PTPRD: variants seen among roughly 807,000 people sequenced by gnomAD.
The protein encoded by PTPRD is receptor-type tyrosine-protein phosphatase delta.
PTPRD carries 34 observed loss-of-function variants against 214.5 expected under a neutral mutation model. The ratio of observed to expected loss-of-function variants is 0.16; its 90% CI spans 0.12 to 0.21. PTPRD has a LOEUF of 0.21. Among genes scored for constraint, PTPRD ranks in the 10% least tolerant of loss-of-function variants. The pLI is 1.00. For missense variants in PTPRD, 2,545 were observed against 2,398.7 expected (o/e 1.06, Z -1.27); for synonymous variants, 1,128 against 845.7 (o/e 1.33, Z -5.79).
At chr9:9,501,399 A>G (rs904686638) in intron 8 of PTPRD, among the ~76,000 whole-genome samples, 2 of 151,976 alleles carry the variant, frequency 1.3e-5, no homozygotes, top group Admixed American at 1.3e-4. Flanking sequence ...ATTAATTATA[A>G]ACAGTTCAAT....
chr9:8,748,535 A>AAAAG lies in PTPRD; in HGVS notation c.-103-14590_-103-14589insCTTT, dbSNP rs1555264124. 6.5e-5 allele frequency among the ~76,000 whole-genome samples: 8 copies of AAAAG among 122,330 alleles called. 1 individual carries two copies. The highest frequency in any genetic ancestry group is 2.6e-4 in the South Asian group (1 of 3,788). 80.3% of individuals were successfully genotyped at this position (122,330 alleles called of 152,430 possible). ...ATCCTGCAACTGCAAAAAAAAAAAA[A>AAAAG]AAAAAGAAAAAGAAAAAGAAAAAGA... On this transcript the variant is annotated intron_variant, in intron 11 of 45. Coordinates refer to ENST00000381196, the MANE Select transcript of PTPRD (RefSeq NM_002839.4).
At chr9:8,786,034 TG>T (rs2095942081) in intron 11 of PTPRD, among the ~76,000 whole-genome samples, 1 of 20,268 alleles carries the variant, frequency 4.9e-5, no homozygotes, top group African/African-American at 3.4e-4. Context: ...CTTAATTTGT[TG>T]TGTGTGTGTG....
intron 12 of PTPRD, among the ~76,000 whole-genome samples, chr9:8,644,554 A>C (rs2096646668): frequency 6.6e-6 from 1 of 152,070 alleles, no homozygotes; most frequent in African/African-American, 2.4e-5. Context: ...CCCTTTGAGG[A>C]CCCCAGACCT....
chr9:8,625,676 T>C (rs1055813486), intron 14 of PTPRD, among the ~76,000 whole-genome samples: 2 of 151,728 alleles, frequency 1.3e-5, no homozygotes, highest in African/African-American at 4.8e-5. Context: ...AAAAAAAATC[T>C]ACTGTGTTAA....
At chr9:9,900,365 C>T (rs2076098530) in intron 5 of PTPRD, among the ~76,000 whole-genome samples, 1 of 152,204 alleles carries the variant, frequency 6.6e-6, no homozygotes. Context: ...TTCAAACTTT[C>T]ACAAATTGCT....
At chr9:8,713,594 G>C (rs2098392823) in intron 12 of PTPRD, 3 of 1,523,976 alleles carry the variant, frequency 2.0e-6, no homozygotes, top group African/African-American at 1.4e-5. Context: ...AACATGTACC[G>C]GGAATACCGG....
intron 3 of PTPRD, among the ~76,000 whole-genome samples, chr9:10,106,248 T>C (rs2098631330): frequency 6.6e-6 from 1 of 151,828 alleles, no homozygotes; most frequent in Non-Finnish European, 1.5e-5. Flanking sequence ...AATATATTGT[T>C]CTAGGACCTC....
At chr9:9,874,447 G>T (rs368803905) in intron 5 of PTPRD, among the ~76,000 whole-genome samples, 2 of 144,876 alleles carry the variant, frequency 1.4e-5, no homozygotes, top group African/African-American at 2.6e-5. Flanking sequence ...CACAACATAT[G>T]CAACGCAGAA....
rs147785458 is a variant in PTPRD, at chr9:10,332,985, T to G, written c.-545+7978A>C. Among the ~76,000 whole-genome samples, 363 of 152,010 alleles carry G rather than the reference T, an allele frequency of 2.4e-3. 5 individuals carry two copies. The highest frequency in any genetic ancestry group is 8.3e-3 in the African/African-American group (343 of 41,504). On this transcript the variant is annotated intron_variant, in intron 3 of 45. Transcript: ENST00000381196. ...TTGTTGCTACCGCCTTCAAGTAAAC[T>G]CCTCAAAGAAAGATATTTTTTAATC...
chr9:9,633,261 T>G (rs1244561367), intron 7 of PTPRD, among the ~76,000 whole-genome samples: 1 of 151,566 alleles, frequency 6.6e-6, no homozygotes, highest in African/African-American at 2.4e-5. Flanking sequence ...CACCACTGCA[T>G]TCCACACTCC....
In PTPRD at chr9:8,460,551, A is replaced by T. The variant is rs2096368010; in HGVS notation, c.3735T>A (p.Pro1245=). 6.2e-7 allele frequency: 1 copy of T among 1,613,048 alleles called. No homozygotes were observed. The highest frequency in any genetic ancestry group is 2.2e-5 in the East Asian group (1 of 44,856). ...CCATTGACACCACGGGGTCGGAGTAAGGGCTGGTTGCATACATCTTCTGAG... is the reference window on the plus strand; with the variant it reads ...CCATTGACACCACGGGGTCGGAGTATGGGCTGGTTGCATACATCTTCTGAG... ...HAESKMYATS[P]YSDPVVSMDL... The change falls in exon 33 of 46, where the codon CCT becomes CCA. Residue 1245 remains proline (P), a synonymous_variant. Transcript: ENST00000381196.
chr9:10,268,624 T>G (rs2094237770), intron 3 of PTPRD, among the ~76,000 whole-genome samples: 1 of 152,180 alleles, frequency 6.6e-6, no homozygotes, highest in Non-Finnish European at 1.5e-5. Flanking sequence ...TTCAGGGCTT[T>G]TGCTGAGTTC....
chr9:9,959,072 C>A (rs1022560961), intron 4 of PTPRD, among the ~76,000 whole-genome samples: 2 of 152,088 alleles, frequency 1.3e-5, no homozygotes, highest in African/African-American at 4.8e-5. Context: ...CAGCTTTATT[C>A]ATAATTTCCC....
At chr9:8,690,567 T>A (rs899370197) in intron 12 of PTPRD, among the ~76,000 whole-genome samples, 1 of 151,788 alleles carries the variant, frequency 6.6e-6, no homozygotes, top group Non-Finnish European at 1.5e-5. Flanking sequence ...ATATGGTCAG[T>A]AATTTATCCA....
intron 2 of PTPRD, among the ~76,000 whole-genome samples, chr9:10,432,179 C>T (rs554010931): frequency 1.2e-3 from 183 of 150,616 alleles, no homozygotes; most frequent in Non-Finnish European, 1.9e-3. Context: ...AGTAAACTAT[C>T]GCAAGAACAA....
chr9:8,406,755 A>G (rs981525600), intron 35 of PTPRD, among the ~76,000 whole-genome samples: 8 of 152,206 alleles, frequency 5.3e-5, no homozygotes, highest in African/African-American at 1.9e-4. Flanking sequence ...ACAGTATACC[A>G]CAATTATCAT....
At chr9:9,482,074 G>A (rs539673251) in intron 8 of PTPRD, among the ~76,000 whole-genome samples, 4 of 152,068 alleles carry the variant, frequency 2.6e-5, no homozygotes, top group Admixed American at 2.0e-4. Context: ...ATCTGTATCT[G>A]GCCCTAGCAG....
intron 9 of PTPRD, among the ~76,000 whole-genome samples, chr9:9,193,447 G>A (rs531328816): frequency 6.8e-4 from 104 of 152,232 alleles, no homozygotes; most frequent in Non-Finnish European, 1.3e-3. Context: ...AATACATTCT[G>A]AGAAATGTGT....
chr9:10,163,148 T>C (rs1464026953), intron 3 of PTPRD, among the ~76,000 whole-genome samples: 1 of 145,824 alleles, frequency 6.9e-6, no homozygotes, highest in Non-Finnish European at 1.5e-5. Context: ...TGAGTGTCAT[T>C]GTTTTTAAAT....
Sources: allele counts gnomAD v4.1 joint callset (sites outside exome capture counted in the v4.1 genomes callset), GRCh38; gene constraint gnomAD v4.1.1; transcripts MANE v1.5; gene names NCBI Gene and HGNC (gene_info 2026-07-23, HGNC 2026-07-21).